Variants in ABCA9 observed in about 807,000 individuals in gnomAD.
The protein encoded by ABCA9 is ATP-binding cassette sub-family A member 9.
ABCA9 carries 183 observed loss-of-function variants against 205.3 expected under a neutral mutation model. The observed-to-expected ratio is 0.89, with a 90% CI of 0.79 to 1.01. The LOEUF (loss-of-function observed/expected upper bound fraction) is 1.01, where lower values mean the gene tolerates loss of function less well. Among genes scored for constraint, ABCA9 ranks in the 50% least tolerant of loss-of-function variants. The pLI, the probability that ABCA9 is intolerant of heterozygous loss-of-function variation, is 0.00. For missense variants in ABCA9, 1,805 were observed against 1,912.4 expected (o/e 0.94, Z 1.05); for synonymous variants, 651 against 683.3 (o/e 0.95, Z 0.74).
At chr17:69,077,564 T>C in the ABCA9 span, among the ~76,000 whole-genome samples, 1 of 152,200 alleles carries the variant, frequency 6.6e-6, no homozygotes, top group African/African-American at 2.4e-5. Flanking sequence ...TCTTGTTAGT[T>C]TTCTACCTCA....
chr17:69,066,193 T>C, the ABCA9 span, among the ~76,000 whole-genome samples: 43,857 of 152,012 alleles, frequency 0.29, 6,564 homozygotes, highest in East Asian at 0.53. Context: ...AGTATGTACC[T>C]CACTGTCTTT....
At chr17:69,069,351 C>T in the ABCA9 span, among the ~76,000 whole-genome samples, 9 of 152,188 alleles carry the variant, frequency 5.9e-5, no homozygotes, top group South Asian at 1.0e-3. Flanking sequence ...GGCCTGCAGC[C>T]GGGGGAGACA....
chr17:69,042,904 TG>T (rs1352194805), intron 6 of ABCA9: 1 of 152,074 alleles, frequency 6.6e-6, no homozygotes, highest in Non-Finnish European at 1.5e-5. Flanking sequence ...CAAACAGGAG[TG>T]GGGAGATGGT....
chr17:69,018,859 C>T (rs967457381), intron 19 of ABCA9, among the ~76,000 whole-genome samples: 9 of 152,078 alleles, frequency 5.9e-5, no homozygotes, highest in Admixed American at 5.9e-4. Flanking sequence ...CAATCCCTAA[C>T]TCATTGCCTT....
chr17:68,989,046 G>T lies in ABCA9; in HGVS notation c.4028C>A (p.Thr1343Lys). The T allele has an allele frequency of 6.2e-7, 1 of 1,612,232 alleles. No homozygotes were observed. The highest frequency in any genetic ancestry group is 2.2e-5 in the East Asian group (1 of 44,826). Residue 1343 changes from threonine (T) to lysine (K), a missense_variant, in exon 31 of 39, where the codon ACA becomes AAA. Transcript: ENST00000340001. ...ACTGACCTGTCCTGCAGTTGGTTTT[G>T]TGTCTCCAGTTATCATCTTAATAGT... is the stretch of plus-strand genomic sequence containing the variant. ...STTIKMITGD[T>K]KPTAGQVILK... is the part of the protein sequence containing the mutation.
At chr17:69,071,846 G>A in the ABCA9 span, among the ~76,000 whole-genome samples, 10 of 152,258 alleles carry the variant, frequency 6.6e-5, no homozygotes, top group Non-Finnish European at 1.2e-4. Flanking sequence ...TAAGAACTTT[G>A]ATAAAAGTTT....
chr17:69,051,218 A>C, intron 1 of ABCA9, 79 bp from the exon 2 acceptor site: 1 of 1,285,162 alleles, frequency 7.8e-7, no homozygotes, highest in African/African-American at 1.5e-5. Flanking sequence ...CATAAAAGAA[A>C]CATTGTAACA....
chr17:68,994,121 C>T (rs777062337), intron 26 of ABCA9, among the ~76,000 whole-genome samples: 2 of 152,198 alleles, frequency 1.3e-5, no homozygotes, highest in African/African-American at 2.4e-5. Flanking sequence ...GGTGATTCAC[C>T]TGCCTCGGCC....
intron 3 of ABCA9, among the ~76,000 whole-genome samples, chr17:69,046,825 A>C (rs2071721858): frequency 6.8e-6 from 1 of 147,172 alleles, no homozygotes; most frequent in South Asian, 2.1e-4. Flanking sequence ...TGTGAAATTC[A>C]TTTATGTTTC....
chr17:69,044,617 C>T lies in ABCA9; in HGVS notation c.470-17G>A. On this transcript the variant is annotated splice_polypyrimidine_tract_variant and intron_variant, in intron 4 of 38. Transcript: ENST00000340001. ...GACAGTGAGCTTTAGAAGAAGAACACATCCATTATTACGGAATGATACAAT... is the reference window on the plus strand; with the variant it reads ...GACAGTGAGCTTTAGAAGAAGAACATATCCATTATTACGGAATGATACAAT... 3 of 1,604,134 alleles carry T rather than the reference C, an allele frequency of 1.9e-6. No homozygotes were observed. The highest frequency in any genetic ancestry group is 1.7e-5 in the Admixed American group (1 of 59,314).
intron 22 of ABCA9, among the ~76,000 whole-genome samples, chr17:69,015,312 A>G (rs1031982996): frequency 1.3e-5 from 2 of 152,186 alleles, no homozygotes; most frequent in African/African-American, 4.8e-5. Context: ...CTTCATAACA[A>G]AAAGTAACCA....
intron 17 of ABCA9, among the ~76,000 whole-genome samples, chr17:69,022,762 C>A (rs952933243): frequency 7.2e-5 from 11 of 152,090 alleles, no homozygotes; most frequent in African/African-American, 2.2e-4. Flanking sequence ...CAACTTCTGA[C>A]CATGGTGTGA....
chr17:68,986,059 CA>C (rs1387498623), intron 32 of ABCA9, 104 bp downstream of exon 32: 19 of 1,163,212 alleles, frequency 1.6e-5, no homozygotes, highest in Non-Finnish European at 2.2e-5. Context: ...TCTTCTCCCA[CA>C]AGCATGGGGT....
intron 1 of ABCA9, among the ~76,000 whole-genome samples, chr17:69,053,595 T>G (rs867465479): frequency 3.1e-4 from 47 of 152,154 alleles, no homozygotes; most frequent in African/African-American, 1.1e-3. Flanking sequence ...AGCTTATTAG[T>G]AGACTACACA....
chr17:69,033,641 A>G, intron 9 of ABCA9, 85 bp downstream of exon 9: 1 of 1,185,684 alleles, frequency 8.4e-7, no homozygotes, highest in Non-Finnish European at 1.2e-6. Flanking sequence ...ACTGCTTGCT[A>G]ATTTTTATTT....
chr17:69,031,583 A>G (rs1420238655), intron 10 of ABCA9, among the ~76,000 whole-genome samples: 2 of 152,212 alleles, frequency 1.3e-5, no homozygotes, highest in South Asian at 4.1e-4. Flanking sequence ...CATGTCCATC[A>G]TCTAAGAGGG....
chr17:69,078,145 G>T, the ABCA9 span, among the ~76,000 whole-genome samples: 1 of 151,656 alleles, frequency 6.6e-6, no homozygotes, highest in East Asian at 1.9e-4. Context: ...CAACATGAGT[G>T]CTTGTCTACT....
rs1255952437 is a variant in ABCA9 at position 69,027,805 on chromosome 17, A to G, written c.1626T>C (p.Thr542=). The part of the protein sequence containing the change: ...GLSVPTSGSV[T]VYNHTLSRMA... Reference sequence around the variant, plus strand: ...TTCTTGAAAGTGTGTGATTATAGACAGTGACTGAACCTGAAAGCAGAAGGC... The same window carrying G: ...TTCTTGAAAGTGTGTGATTATAGACGGTGACTGAACCTGAAAGCAGAAGGC... The change falls in exon 13 of 39, where the codon ACT becomes ACC. Residue 542 remains threonine, a synonymous_variant. Coordinates refer to ENST00000340001, the MANE Select transcript of ABCA9 (RefSeq NM_080283.4). 4 of 1,606,284 alleles carry G rather than the reference A, an allele frequency of 2.5e-6. No individual in the cohort carries two copies. The East Asian group carries it at 9.0e-5, about 36-fold the overall frequency.
At position 68,985,116 on chromosome 17, in the gene ABCA9, C is replaced by A. The variant is rs114366393; in HGVS notation, c.4221G>T (p.Ala1407=). Reference sequence around the variant, plus strand: ...CCTTCAGCTGGTCCTGCAGCTTGAGCGCATCCACTAACCTGAAGAAAACAG... The same window carrying A: ...CCTTCAGCTGGTCCTGCAGCTTGAGAGCATCCACTAACCTGAAGAAAACAG... The part of the protein sequence containing the change: ...AMIAITRLVD[A]LKLQDQLKAP... The change falls in exon 33 of 39, where the codon GCG becomes GCT. Residue 1407 remains alanine, a synonymous_variant. Transcript: ENST00000340001. 661 of 1,614,174 alleles carry A rather than the reference C, an allele frequency of 4.1e-4. 5 individuals carry two copies. In the African/African-American group the frequency reaches 7.4e-3, roughly 18 times the overall value.
Sources: allele counts gnomAD v4.1 joint callset (sites outside exome capture counted in the v4.1 genomes callset), GRCh38; gene constraint gnomAD v4.1.1; transcripts MANE v1.5; gene names NCBI Gene and HGNC (gene_info 2026-07-23, HGNC 2026-07-21).